Variants in PRCD observed in about 807,000 individuals in gnomAD.
The protein encoded by PRCD is photoreceptor disc component.
PRCD carries 12 observed loss-of-function variants against 10.1 expected under a neutral mutation model. The ratio of observed to expected loss-of-function variants is 1.18; its 90% confidence interval spans 0.76 to 1.92. The LOEUF is 1.92. PRCD is among the 40% of genes most tolerant of loss of function. The pLI, the probability that PRCD is intolerant of heterozygous loss-of-function variation, is 0.00. For synonymous variants in PRCD, 31 were observed against 26.2 expected, an observed-to-expected ratio of 1.18 and a Z score of -0.56; for missense variants, 61 against 72.2, an observed-to-expected ratio of 0.84 and a Z score of 0.56.
Position 76,540,364 on chromosome 17 carries a change from C to T in PRCD, c.75-141C>T, listed in dbSNP as rs564510990. On this transcript the variant is annotated intron_variant, in intron 1 of 4. Coordinates refer to ENST00000592014, the MANE Select transcript of PRCD (RefSeq NM_001077620.3). This position sits in a 1 kb window ranked among gnomAD's most constrained non-coding sequence, Gnocchi z 5.0. ...TGAGGAACCCTTGAGAGAGCACAGT[C>T]TCAGAGCAGGGGGACTTAGAGCTTC... 3.9e-6 allele frequency: 5 copies of T among 1,286,064 alleles called. 1 individual carries two copies. In the South Asian group the frequency reaches 4.9e-5, roughly 13 times the overall value. The allele number at this position is 1,286,064 out of a possible 1,614,324, so 79.7% of individuals were successfully genotyped here.
chr17:76,540,706 CT>C lies in PRCD; in HGVS notation c.143+134del. ...TATCCTGGCCCTTGCCCTAAGCACC[CT>C]GCTCCCTGTCCGCCTGCTGGGCAGG... is the stretch of plus-strand genomic sequence containing the variant. On this transcript the variant is annotated intron_variant, in intron 2 of 4. Transcript: ENST00000592014. The surrounding 1 kb of genome is among the most constrained non-coding windows in gnomAD (Gnocchi z 5.0). 1 of 870,704 alleles carries C rather than the reference CT, an allele frequency of 1.1e-6. No individual in the cohort carries two copies. Among genetic ancestry groups the C allele is most frequent in the Non-Finnish European group, 1.9e-6 (1 of 533,798 alleles). The allele number at this position is 870,704 out of a possible 1,614,324, so 53.9% of individuals were successfully genotyped here. A position where few individuals can be genotyped will look rare whatever the true frequency, so the allele number is the denominator to read the frequency against.
At chr17:76,552,792 A>C (rs550172113) in intron 1 of PRCD, 54 of 148,350 alleles carry the variant, frequency 3.6e-4, no homozygotes, top group African/African-American at 1.2e-3. Context: ...TGAATCCAGG[A>C]GGTAGAGGTT....
At chr17:76,536,577 A>C (rs932559768), upstream of PRCD, among the ~76,000 whole-genome samples, 2 of 152,136 alleles carry the variant, frequency 1.3e-5, no homozygotes, top group African/African-American at 4.8e-5. Flanking sequence ...CATCACCTCT[A>C]TAAGGATGGT....
downstream of PRCD, among the ~76,000 whole-genome samples, chr17:76,548,168 CACAT>C (rs1456237135): frequency 3.3e-5 from 5 of 152,056 alleles, no homozygotes; most frequent in Non-Finnish European, 5.9e-5. Context: ...CATACACACA[CACAT>C]ATACACCGAC....
intron 1 of PRCD, among the ~76,000 whole-genome samples, chr17:76,532,370 G>C (rs771277810): frequency 1.2e-4 from 18 of 152,126 alleles, no homozygotes; most frequent in Non-Finnish European, 2.5e-4. Context: ...ACCTGGAGCA[G>C]GCTGGCCCAG....
At chr17:76,541,485 G>GAT (rs1481524597) in intron 2 of PRCD, among the ~76,000 whole-genome samples, 9 of 152,270 alleles carry the variant, frequency 5.9e-5, no homozygotes, top group Middle Eastern at 3.4e-3. Flanking sequence ...GTGTCCCTTA[G>GAT]ATATGCGGAA....
downstream of PRCD, among the ~76,000 whole-genome samples, chr17:76,548,063 CAG>C (rs1285993973): frequency 1.3e-5 from 2 of 151,978 alleles, no homozygotes; most frequent in Non-Finnish European, 2.9e-5. Flanking sequence ...CACATACACA[CAG>C]ACATACATGT....
Position 76,544,543 on chromosome 17 carries a change from G to A in PRCD, c.*893G>A. The A allele has an allele frequency of 2.2e-6, 1 of 456,652 alleles. No individual in the cohort carries two copies. The highest frequency in any genetic ancestry group is 4.4e-6 in the Non-Finnish European group (1 of 226,996). 28.3% of individuals were successfully genotyped at this position (456,652 alleles called of 1,614,324 possible). On this transcript the variant is annotated 3_prime_UTR_variant, in exon 5 of 5. Coordinates refer to ENST00000592014, the MANE Select transcript of PRCD (RefSeq NM_001077620.3). Reference sequence around the variant, plus strand: ...AGGGCAGGCAGGAGGCAGGGGGAAAGTCACACTAGGGAAGGAGCCTGCAGA... The same window carrying A: ...AGGGCAGGCAGGAGGCAGGGGGAAAATCACACTAGGGAAGGAGCCTGCAGA...
At chr17:76,551,786 A>C (rs2075110980) in intron 1 of PRCD, 2 of 152,058 alleles carry the variant, frequency 1.3e-5, no homozygotes. Context: ...TTTAGGAAAC[A>C]TGGCATGGTG....
chr17:76,547,305 G>C (rs1272633766), downstream of PRCD: 1 of 152,360 alleles, frequency 6.6e-6, no homozygotes, highest in African/African-American at 2.4e-5. Flanking sequence ...GCCTCCTTCA[G>C]CCAGGGGCAG....
chr17:76,532,530 C>CTTT (rs111936272), intron 1 of PRCD, among the ~76,000 whole-genome samples: 129 of 125,702 alleles, frequency 1.0e-3, no homozygotes, highest in African/African-American at 3.3e-3. Context: ...ATGACAATGG[C>CTTT]TTTTTTTTTT....
At chr17:76,534,180 C>CTCT (rs2074888782) in intron 1 of PRCD, among the ~76,000 whole-genome samples, 1 of 140,124 alleles carries the variant, frequency 7.1e-6, no homozygotes, top group Non-Finnish European at 1.5e-5. Context: ...CTCTCTCTTT[C>CTCT]TTTCTTTCTT....
intron 1 of PRCD, chr17:76,552,008 A>T (rs1347970494): frequency 6.6e-6 from 1 of 152,146 alleles, no homozygotes; most frequent in Non-Finnish European, 1.5e-5. Flanking sequence ...TAAACACTTC[A>T]TATACACATA....
upstream of PRCD, chr17:76,527,749 C>T (rs780799906): frequency 2.0e-5 from 9 of 453,914 alleles, no homozygotes; most frequent in South Asian, 9.3e-5. Flanking sequence ...AGCTAGCGGT[C>T]GAGGTTTCTG....
chr17:76,533,321 A>G lies in PRCD; in HGVS notation n.45+5488A>G, dbSNP rs187473100. On this transcript the variant is annotated intron_variant and non_coding_transcript_variant, in intron 1 of 4. Transcript: ENST00000397633. The surrounding 1 kb of genome is among the most constrained non-coding windows in gnomAD (Gnocchi z 4.5). ...AGGACACGTGAGGCGACGGGTCTGA[A>G]AATACATTGAATTTTCTGGAGAAGC... Among the ~76,000 whole-genome samples, 10 of 152,344 alleles carry G rather than the reference A, an allele frequency of 6.6e-5. No individual in the cohort carries two copies. Among genetic ancestry groups the G allele is most frequent in the Non-Finnish European group, 1.5e-5 (1 of 68,036 alleles).
chr17:76,545,682 A>G (rs1191119415), downstream of PRCD: 2 of 294,160 alleles, frequency 6.8e-6, no homozygotes, highest in Non-Finnish European at 1.3e-5. Context: ...TAGCTGTAGG[A>G]TGGAGATCCT....
intron 3 of PRCD, 136 bp downstream of exon 3, chr17:76,542,769 C>T (rs1009289543): frequency 3.1e-5 from 21 of 680,062 alleles, no homozygotes; most frequent in East Asian, 8.1e-5. Context: ...TCAAAGTAGG[C>T]GGATGGACTC....
At chr17:76,548,031 T>C (rs1236320599), downstream of PRCD, among the ~76,000 whole-genome samples, 1 of 150,850 alleles carries the variant, frequency 6.6e-6, no homozygotes, top group Non-Finnish European at 1.5e-5. Context: ...TACACAGACA[T>C]ACACATATAC....
chr17:76,537,038 G>T (rs976451215), upstream of PRCD, among the ~76,000 whole-genome samples: 1 of 152,218 alleles, frequency 6.6e-6, no homozygotes, highest in Non-Finnish European at 1.5e-5. Flanking sequence ...TCTAAAATGG[G>T]GAGCCCCTGC....
Sources: allele counts gnomAD v4.1 joint callset (sites outside exome capture counted in the v4.1 genomes callset), GRCh38; gene constraint gnomAD v4.1.1; non-coding constraint Gnocchi (gnomAD v3.1); transcripts MANE v1.5; gene names NCBI Gene and HGNC (gene_info 2026-07-23, HGNC 2026-07-21).